Variants in SLC25A17 observed in about 807,000 individuals in gnomAD.
SLC25A17 encodes the protein solute carrier family 25 member 17.
Under a neutral mutation model 38.5 loss-of-function variants are expected in SLC25A17, and 26 were observed. The ratio of observed to expected loss-of-function variants is 0.68; its 90% CI spans 0.50 to 0.94. The LOEUF is 0.94. Among genes scored for constraint, SLC25A17 ranks in the 40% least tolerant of loss-of-function variants. The pLI is 0.00. For missense variants in SLC25A17, 333 were observed against 372.7 expected (o/e 0.89, Z 0.88); for synonymous variants, 139 against 136.2 (o/e 1.02, Z -0.14).
chr22:40,800,283 C>T (rs1215242080), intron 1 of SLC25A17, among the ~76,000 whole-genome samples: 5 of 152,132 alleles, frequency 3.3e-5, no homozygotes, highest in Non-Finnish European at 7.3e-5. Flanking sequence ...CATGAAACTT[C>T]CATTTTGGTT....
intron 1 of SLC25A17, among the ~76,000 whole-genome samples, chr22:40,808,109 T>A (rs1254261576): frequency 6.6e-6 from 1 of 152,162 alleles, no homozygotes; most frequent in Non-Finnish European, 1.5e-5. Context: ...TCCATTATTT[T>A]GAGTCCCACA....
chr22:40,816,224 GAAAAAGAA>G (rs1451677928), intron 1 of SLC25A17, among the ~76,000 whole-genome samples: 1 of 150,342 alleles, frequency 6.7e-6, no homozygotes, highest in Admixed American at 6.6e-5. Flanking sequence ...AAGAAAGAAA[GAAAAAGAA>G]AAAAAGAGAA....
chr22:40,806,703 A>G (rs1412865296), intron 1 of SLC25A17, among the ~76,000 whole-genome samples: 1 of 152,076 alleles, frequency 6.6e-6, no homozygotes, highest in East Asian at 1.9e-4. Flanking sequence ...CCCAAAGAAA[A>G]TCTCATACTC....
At chr22:40,781,849 C>T (rs2057297465) in intron 4 of SLC25A17, among the ~76,000 whole-genome samples, 2 of 152,166 alleles carry the variant, frequency 1.3e-5, no homozygotes, top group South Asian at 4.2e-4. Context: ...ACAAACCATT[C>T]GTGAGTACCA....
At chr22:40,781,760 T>A (rs79202670) in intron 4 of SLC25A17, among the ~76,000 whole-genome samples, 62 of 152,264 alleles carry the variant, frequency 4.1e-4, no homozygotes, top group Admixed American at 1.6e-3. Context: ...CTCAAAATAC[T>A]TGAGAATCCG....
chr22:40,774,306 C>G (rs1451929769), intron 7 of SLC25A17, among the ~76,000 whole-genome samples: 2 of 151,844 alleles, frequency 1.3e-5, no homozygotes, highest in African/African-American at 4.8e-5. Context: ...TCACTGCAAC[C>G]TCCACCTCCC....
chr22:40,811,259 G>GTTT (rs138316), intron 1 of SLC25A17, among the ~76,000 whole-genome samples: 10 of 145,834 alleles, frequency 6.9e-5, no homozygotes, highest in South Asian at 2.2e-4. Context: ...TTTAATTTTT[G>GTTT]TTTTTTTTTT....
chr22:40,782,813 T>C (rs1374824870), intron 4 of SLC25A17, among the ~76,000 whole-genome samples: 1 of 152,242 alleles, frequency 6.6e-6, no homozygotes, highest in Non-Finnish European at 1.5e-5. Context: ...GAGTTATTGC[T>C]AAAAATTCCA....
chr22:40,788,330 G>A (rs565605238), intron 4 of SLC25A17, among the ~76,000 whole-genome samples: 2 of 152,148 alleles, frequency 1.3e-5, no homozygotes, highest in African/African-American at 4.8e-5. Flanking sequence ...ACATTGTACT[G>A]TTTAAACTAA....
chr22:40,803,121 T>C (rs1378403383), intron 1 of SLC25A17, among the ~76,000 whole-genome samples: 1 of 152,138 alleles, frequency 6.6e-6, no homozygotes, highest in Admixed American at 6.5e-5. Context: ...CTTATTCATG[T>C]CTAACTTTTT....
chr22:40,801,813 G>A (rs988093897), intron 1 of SLC25A17, among the ~76,000 whole-genome samples: 2 of 152,036 alleles, frequency 1.3e-5, no homozygotes, highest in African/African-American at 2.4e-5. Flanking sequence ...TTTTTAAGAC[G>A]GAGTCTTGCT....
chr22:40,780,280 G>A (rs556920958), intron 4 of SLC25A17: 4 of 152,122 alleles, frequency 2.6e-5, no homozygotes, highest in Non-Finnish European at 5.9e-5. Context: ...TATCTCTAAG[G>A]AGCATTATAA....
intron 2 of SLC25A17, chr22:40,797,191 T>C (rs1274053149): frequency 1.4e-5 from 8 of 569,008 alleles, no homozygotes; most frequent in African/African-American, 9.7e-5. Context: ...TGTTGAATCA[T>C]GTAAAATTAT....
intron 1 of SLC25A17, among the ~76,000 whole-genome samples, chr22:40,818,623 T>A (rs922724037): frequency 1.4e-5 from 2 of 144,616 alleles, no homozygotes; most frequent in Non-Finnish European, 3.0e-5. Flanking sequence ...GGCGGATCGC[T>A]GGAGCCCGGG....
chr22:40,783,876 T>C (rs917080742), intron 4 of SLC25A17, among the ~76,000 whole-genome samples: 1 of 152,086 alleles, frequency 6.6e-6, no homozygotes, highest in Non-Finnish European at 1.5e-5. Context: ...CAGTTAATTT[T>C]TGTATTTTTA....
intron 1 of SLC25A17, among the ~76,000 whole-genome samples, chr22:40,808,797 C>T (rs975755235): frequency 6.6e-6 from 1 of 152,184 alleles, no homozygotes; most frequent in Non-Finnish European, 1.5e-5. Flanking sequence ...TCCCCAAATC[C>T]TTTCTAGGAG....
rs566246442 is a variant in SLC25A17, at chr22:40,816,198, CA to C, written c.54+2996del. ...GGGCAACAAGAGCGAAACTCCATCT[CA>C]AAAAAAAAAAAAGAAAGAAAGAAAG... is the stretch of plus-strand genomic sequence containing the variant. On this transcript the variant is annotated intron_variant, in intron 1 of 8. Coordinates refer to ENST00000435456, the MANE Select transcript of SLC25A17 (RefSeq NM_006358.4). Among the ~76,000 whole-genome samples the C allele has an allele frequency of 9.4e-3, 769 of 81,746 alleles. 3 individuals are homozygous for C. The highest frequency in any genetic ancestry group is 0.021 in the African/African-American group (514 of 24,444). The allele number at this position is 81,746 out of a possible 152,430, so 53.6% of individuals were successfully genotyped here.
At position 40,770,583 on chromosome 22, in the gene SLC25A17, T is replaced by G. The variant is rs994768104; in HGVS notation, c.*251A>C. 2 of 305,022 alleles carry G rather than the reference T, an allele frequency of 6.6e-6. No individual in the cohort carries two copies. The highest frequency in any genetic ancestry group is 1.2e-5 in the Non-Finnish European group (2 of 166,984). The allele number at this position is 305,022 out of a possible 1,614,324, so 18.9% of individuals were successfully genotyped here. A position where few individuals can be genotyped will look rare whatever the true frequency, so the allele number is the denominator to read the frequency against. Reference sequence around the variant, plus strand: ...ACCAATAAACACTCACAAACTTTCATTTTTAGGTTTTCAGCAATGTTTTTT... The same window carrying G: ...ACCAATAAACACTCACAAACTTTCAGTTTTAGGTTTTCAGCAATGTTTTTT... On this transcript the variant is annotated 3_prime_UTR_variant, in exon 9 of 9. Coordinates refer to ENST00000435456, the MANE Select transcript of SLC25A17 (RefSeq NM_006358.4).
intron 1 of SLC25A17, among the ~76,000 whole-genome samples, chr22:40,803,818 TTG>T (rs1317699939): frequency 5.9e-5 from 9 of 151,462 alleles, no homozygotes; most frequent in African/African-American, 2.2e-4. Context: ...TTGCTAGTTT[TTG>T]TTTTTTTTTT....
Sources: gnomAD v4.1 joint callset for allele counts (sites outside exome capture counted in the v4.1 genomes callset) on GRCh38, gnomAD v4.1.1 for gene constraint, MANE v1.5 for transcripts, NCBI Gene and HGNC (gene_info 2026-07-23, HGNC 2026-07-21) for gene names.